The following ABCA10 variants were observed in gnomAD, a reference collection of about 807,000 sequenced individuals.
ABCA10 encodes the protein ATP binding cassette subfamily A member 10, also known as ATP-binding cassette sub-family A member 10.
In ABCA10, 169 loss-of-function variants were observed where a neutral mutation model predicts 187.5. The observed-to-expected ratio is 0.90, with a 90% CI of 0.80 to 1.02. The LOEUF (loss-of-function observed/expected upper bound fraction) is 1.02, where lower values mean the gene tolerates loss of function less well. ABCA10 is among the 50% of genes least tolerant of loss of function. ABCA10 has a pLI of 0.00. For synonymous variants in ABCA10, 574 were observed against 601.8 expected, an observed-to-expected ratio of 0.95 and a Z score of 0.68; for missense variants, 1,727 against 1,812.4, an observed-to-expected ratio of 0.95 and a Z score of 0.86.
intron 1 of ABCA10, chr17:69,244,316 G>C (rs1284116634): frequency 6.6e-6 from 1 of 151,950 alleles, no homozygotes; most frequent in Non-Finnish European, 1.5e-5. Context: ...AACAATTTTA[G>C]TGCCAGGTTT....
intron 2 of ABCA10, among the ~76,000 whole-genome samples, chr17:69,226,336 T>C (rs2144853908): frequency 6.6e-6 from 1 of 152,104 alleles, no homozygotes; most frequent in South Asian, 2.1e-4. Context: ...TTCTAGTGAG[T>C]AATAAATATA....
At chr17:69,176,152 T>G (rs1002853460) in intron 22 of ABCA10, among the ~76,000 whole-genome samples, 4 of 152,178 alleles carry the variant, frequency 2.6e-5, no homozygotes, top group African/African-American at 9.6e-5. Flanking sequence ...GGAGCTACAG[T>G]TATCATATCT....
At chr17:69,240,230 C>A (rs1354868080) in intron 1 of ABCA10, among the ~76,000 whole-genome samples, 1 of 152,180 alleles carries the variant, frequency 6.6e-6, no homozygotes, top group Non-Finnish European at 1.5e-5. Flanking sequence ...CAGTACATTT[C>A]TTCCCTCAGA....
At position 69,156,905 on chromosome 17, in the gene ABCA10, T is replaced by C. The variant is rs776288089; in HGVS notation, c.3382A>G (p.Ile1128Val). The change falls in exon 28 of 39, where the codon ATT becomes GTT. Residue 1128 changes from isoleucine (I) to valine (V), a missense_variant. Coordinates refer to ENST00000690296, the MANE Select transcript of ABCA10 (RefSeq NM_001377321.1). ...AGACACCTTATGACAAAAAGGAAAA[T>C]AACACTCTGAAGGTATGGCTAAAAG... is the stretch of plus-strand genomic sequence containing the variant. Reference protein sequence around the residue: ...TTLIPYLQSVIFLFVIRCLEM... With the variant: ...TTLIPYLQSVVFLFVIRCLEM... The C allele has an allele frequency of 3.2e-6, 5 of 1,585,438 alleles. No individual in the cohort carries two copies. In the Admixed American group the frequency reaches 7.1e-5, roughly 22 times the overall value.
intron 25 of ABCA10, among the ~76,000 whole-genome samples, chr17:69,166,576 C>T (rs1454951819): frequency 6.6e-6 from 1 of 152,064 alleles, no homozygotes; most frequent in Non-Finnish European, 1.5e-5. Context: ...GGCTTTAATA[C>T]AATTTGAGAA....
chr17:69,239,269 TCA>T (rs1462570099), intron 1 of ABCA10, among the ~76,000 whole-genome samples: 4 of 152,088 alleles, frequency 2.6e-5, no homozygotes, highest in Non-Finnish European at 4.4e-5. Context: ...TTCTATCCTC[TCA>T]CAGAGACTGG....
chr17:69,150,103 T>C, intron 36 of ABCA10, 40 bp from the exon 37 acceptor site: 1 of 1,478,282 alleles, frequency 6.8e-7, no homozygotes, highest in Non-Finnish European at 9.4e-7. Context: ...TAAGTTTCAG[T>C]GTGATAATAC....
chr17:69,211,303 AT>A (rs1249134814), intron 9 of ABCA10, among the ~76,000 whole-genome samples: 4 of 39,666 alleles, frequency 1.0e-4, no homozygotes, highest in African/African-American at 6.1e-4. Context: ...ATATATATAC[AT>A]CATATATATG....
intron 19 of ABCA10, among the ~76,000 whole-genome samples, chr17:69,187,049 A>T (rs2074426653): frequency 6.6e-6 from 1 of 152,158 alleles, no homozygotes; most frequent in African/African-American, 2.4e-5. Context: ...AGTTAAAGAA[A>T]TCAATGACTA....
intron 1 of ABCA10, among the ~76,000 whole-genome samples, chr17:69,242,837 G>A (rs1367061492): frequency 2.0e-5 from 3 of 152,140 alleles, no homozygotes; most frequent in East Asian, 1.9e-4. Context: ...TGGATGAAAC[G>A]TAATAATAAA....
chr17:69,239,428 A>G (rs1252959321), intron 1 of ABCA10, among the ~76,000 whole-genome samples: 1 of 152,206 alleles, frequency 6.6e-6, no homozygotes, highest in Non-Finnish European at 1.5e-5. Flanking sequence ...AAATCAGATC[A>G]GGGGCCTGTT....
chr17:69,175,217 T>C (rs2074325464), intron 23 of ABCA10, among the ~76,000 whole-genome samples, 189 bp downstream of exon 23: 1 of 152,156 alleles, frequency 6.6e-6, no homozygotes, highest in Non-Finnish European at 1.5e-5. Flanking sequence ...AATTTTATTG[T>C]GCTAAATGGT....
intron 11 of ABCA10, among the ~76,000 whole-genome samples, chr17:69,196,773 G>A (rs891744686): frequency 6.6e-5 from 10 of 152,224 alleles, no homozygotes; most frequent in African/African-American, 2.4e-4. Flanking sequence ...CACCTCGCGA[G>A]GCTGAGGCTA....
intron 2 of ABCA10, among the ~76,000 whole-genome samples, chr17:69,226,230 G>T (rs1045764313): frequency 1.3e-5 from 2 of 151,998 alleles, no homozygotes; most frequent in Admixed American, 6.6e-5. Flanking sequence ...AGCAAAGATG[G>T]CAAGATGTTA....
intron 37 of ABCA10, among the ~76,000 whole-genome samples, chr17:69,149,768 T>C (rs1480343682): frequency 6.6e-6 from 1 of 152,154 alleles, no homozygotes; most frequent in Non-Finnish European, 1.5e-5. Context: ...GACTTGTGGC[T>C]GGGCTTCCTG....
intron 11 of ABCA10, among the ~76,000 whole-genome samples, 167 bp from the exon 12 acceptor site, chr17:69,194,662 C>T (rs2144807223): frequency 6.6e-6 from 1 of 152,264 alleles, no homozygotes; most frequent in East Asian, 1.9e-4. Context: ...TTCCTGAAGA[C>T]AAAGCTTCAA....
chr17:69,192,572 T>C lies in ABCA10; in HGVS notation c.1862A>G (p.Tyr621Cys). 6.2e-7 allele frequency: 1 copy of C among 1,611,404 alleles called. No individual in the cohort carries two copies. Among genetic ancestry groups the C allele is most frequent in the Non-Finnish European group, 8.5e-7 (1 of 1,177,982 alleles). Residue 621 changes from tyrosine to cysteine, a missense_variant, in exon 16 of 39, where the codon TAT becomes TGT. Physicochemically the swap from Tyr to Cys is radical, Grantham distance 194. Coordinates refer to ENST00000690296, the MANE Select transcript of ABCA10 (RefSeq NM_001377321.1). ...LFLKRKWGIG[Y>C]HLSLHRNEMC... ...CACCTAGAATACATACCTTAAATGATATCCAATACCCCACTTTCGCTTCAG... is the reference window on the plus strand; with the variant it reads ...CACCTAGAATACATACCTTAAATGACATCCAATACCCCACTTTCGCTTCAG...
At chr17:69,210,166 A>ATTT (rs1322948427) in intron 9 of ABCA10, among the ~76,000 whole-genome samples, 1 of 56,226 alleles carries the variant, frequency 1.8e-5, no homozygotes, top group African/African-American at 7.0e-5. Context: ...TTTAGTGGTT[A>ATTT]TTTCTTTTTT....
chr17:69,184,117 C>T (rs1700161308), intron 20 of ABCA10, among the ~76,000 whole-genome samples: 2 of 152,176 alleles, frequency 1.3e-5, no homozygotes, highest in East Asian at 1.9e-4. Flanking sequence ...GCGACCTGTA[C>T]GATGCAGCAG....
Sources: gnomAD v4.1 joint callset for allele counts (sites outside exome capture counted in the v4.1 genomes callset) on GRCh38, gnomAD v4.1.1 for gene constraint, MANE v1.5 for transcripts, NCBI Gene and HGNC (gene_info 2026-07-23, HGNC 2026-07-21) for gene names.